The following PCDHGA2 variants were observed in gnomAD, a reference collection of about 807,000 sequenced individuals.
The protein encoded by PCDHGA2 is protocadherin gamma subfamily A, 2, also known as protocadherin gamma-A2.
PCDHGA2 carries 40 observed loss-of-function variants against 59.2 expected under a neutral mutation model. The ratio of observed to expected loss-of-function variants is 0.68; its 90% CI spans 0.52 to 0.88. The LOEUF (loss-of-function observed/expected upper bound fraction) is 0.88. PCDHGA2 is among the 40% of genes least tolerant of loss of function. The pLI is 0.00. For missense variants in PCDHGA2, 1,226 were observed against 1,204.0 expected (o/e 1.02, Z -0.27); for synonymous variants, 560 against 526.0 (o/e 1.06, Z -0.89).
intron 1 of PCDHGA2, chr5:141,366,089 C>A (rs1764317908): frequency 1.9e-6 from 3 of 1,614,268 alleles, no homozygotes; most frequent in Non-Finnish European, 2.5e-6. Flanking sequence ...ACCTGGCTAC[C>A]TGGTGACCAA....
intron 1 of PCDHGA2, chr5:141,350,419 G>A (rs746243687): frequency 2.4e-5 from 39 of 1,606,950 alleles, no homozygotes; most frequent in Non-Finnish European, 3.1e-5. Context: ...AGGATCTGGG[G>A]CTCAGTGTCC....
intron 1 of PCDHGA2, among the ~76,000 whole-genome samples, chr5:141,405,666 C>T (rs752033736): frequency 3.3e-5 from 5 of 152,198 alleles, no homozygotes; most frequent in Admixed American, 6.5e-5. Flanking sequence ...TTAGTAGAGA[C>T]GGGGTGTCAC....
At chr5:141,402,332 A>G (rs991402257) in intron 1 of PCDHGA2, among the ~76,000 whole-genome samples, 2 of 152,036 alleles carry the variant, frequency 1.3e-5, no homozygotes, top group African/African-American at 4.8e-5. Flanking sequence ...TTACAAATAT[A>G]TAGGTATAAA....
At chr5:141,355,605 A>G in intron 1 of PCDHGA2, 2 of 1,614,024 alleles carry the variant, frequency 1.2e-6, no homozygotes, top group Non-Finnish European at 1.7e-6. Context: ...GTTTTGGGAC[A>G]GAACAGAGGG....
At chr5:141,419,901 C>A (rs2096446114) in intron 1 of PCDHGA2, 5 of 1,614,108 alleles carry the variant, frequency 3.1e-6, no homozygotes, top group Non-Finnish European at 4.2e-6. Flanking sequence ...CATCCCACAC[C>A]CTCTGACTCC....
chr5:141,338,855 C>G lies in PCDHGA2; in HGVS notation c.-117C>G. 7.0e-7 allele frequency: 1 copy of G among 1,425,134 alleles called. No homozygotes were observed. The highest frequency in any genetic ancestry group is 1.6e-5 in the South Asian group (1 of 62,408). The allele number at this position is 1,425,134 out of a possible 1,614,324, so 88.3% of individuals were successfully genotyped here. A position where few individuals can be genotyped will look rare whatever the true frequency, so the allele number is the denominator to read the frequency against. ...AATTCAGTCGAACAGCCCACCAGTT[C>G]TCTCCATAGGGACCTGGGTCCCGTG... On this transcript the variant is annotated 5_prime_UTR_variant, in exon 1 of 4. Transcript: ENST00000394576.
chr5:141,506,847 T>C lies in PCDHGA2; in HGVS notation c.2572+1366T>C, dbSNP rs146737657. ...GAACTGATAGCCCTGCCCTCCAGCA[T>C]GTCTGGAGGACTGGTGGGTAGAGAA... On this transcript the variant is annotated intron_variant, in intron 3 of 3. Coordinates refer to ENST00000394576, the MANE Select transcript of PCDHGA2 (RefSeq NM_018915.4). 3.7e-3 allele frequency among the ~76,000 whole-genome samples: 564 copies of C among 152,318 alleles called. 5 individuals are homozygous for C. Among genetic ancestry groups the C allele is most frequent in the Admixed American group, 0.011 (164 of 15,302 alleles).
In PCDHGA2 at chr5:141,388,840, C is replaced by A. The variant is rs764876092; in HGVS notation, c.2424+47445C>A. The stretch of plus-strand genomic sequence containing the variant: ...AAAGAATATTCCATAGTTTTGGAAG[C>A]AAGGGACGGTGGAGGAATGATTGCG... On this transcript the variant is annotated intron_variant, in intron 1 of 3. Coordinates refer to ENST00000394576, the MANE Select transcript of PCDHGA2 (RefSeq NM_018915.4). 4 of 1,613,900 alleles carry A rather than the reference C, an allele frequency of 2.5e-6. No homozygotes were observed. The South Asian group carries it at 4.4e-5, about 18-fold the overall frequency.
intron 1 of PCDHGA2, chr5:141,344,735 T>G: frequency 1.2e-6 from 2 of 1,613,996 alleles, no homozygotes; most frequent in South Asian, 2.2e-5. Flanking sequence ...TAGTCCTGGA[T>G]GCAAATGACA....
At chr5:141,453,964 C>T (rs2098778500) in intron 1 of PCDHGA2, among the ~76,000 whole-genome samples, 1 of 152,296 alleles carries the variant, frequency 6.6e-6, no homozygotes, top group Non-Finnish European at 1.5e-5. Context: ...GACAGCAAAG[C>T]ATGTAGTTGT....
intron 1 of PCDHGA2, chr5:141,421,414 C>G: frequency 6.2e-7 from 1 of 1,614,066 alleles, no homozygotes; most frequent in Non-Finnish European, 8.5e-7. Flanking sequence ...GCTGGCGAAG[C>G]GCGGAGTCCG....
intron 1 of PCDHGA2, chr5:141,430,569 G>A (rs1252716330): frequency 4.5e-6 from 2 of 439,930 alleles, no homozygotes; most frequent in African/African-American, 4.1e-5. Flanking sequence ...GGAGAGAAAA[G>A]CGGAGATCCT....
chr5:141,345,752 T>A (rs768879399), intron 1 of PCDHGA2: 1 of 1,614,046 alleles, frequency 6.2e-7, no homozygotes, highest in African/African-American at 1.3e-5. Flanking sequence ...ACGGTTCCAC[T>A]GGCGTGGAGC....
chr5:141,501,508 C>A (rs1378333182), intron 2 of PCDHGA2, among the ~76,000 whole-genome samples: 1 of 151,960 alleles, frequency 6.6e-6, no homozygotes, highest in Non-Finnish European at 1.5e-5. Flanking sequence ...GGCTCCAAGG[C>A]CTCCAAGCTG....
intron 1 of PCDHGA2, among the ~76,000 whole-genome samples, chr5:141,387,085 C>T (rs1242993034): frequency 6.6e-6 from 1 of 152,168 alleles, no homozygotes; most frequent in African/African-American, 2.4e-5. Flanking sequence ...TGCCTGTGAT[C>T]ATCGAAATGA....
Position 141,431,432 on chromosome 5 carries a change from AC to A in PCDHGA2, c.2425-63373del. 2 of 1,613,692 alleles carry A rather than the reference AC, an allele frequency of 1.2e-6. No individual in the cohort carries two copies. Among genetic ancestry groups the A allele is most frequent in the Non-Finnish European group, 1.7e-6 (2 of 1,180,026 alleles). On this transcript the variant is annotated intron_variant, in intron 1 of 3. Transcript: ENST00000394576. The surrounding 1 kb of genome is among the most constrained non-coding windows in gnomAD (Gnocchi z 4.8). ...CGGGGGCGACCCGGTGCGCACAGGC[AC>A]CGCGCGCATCCGCGTGATGGTTCTG... is the stretch of plus-strand genomic sequence containing the variant.
At position 141,339,411 on chromosome 5, in the gene PCDHGA2, C is replaced by A. The variant is rs199543217; in HGVS notation, c.440C>A (p.Thr147Lys). 1 of 1,614,222 alleles carries A rather than the reference C, an allele frequency of 6.2e-7. No individual in the cohort carries two copies. Among genetic ancestry groups the A allele is most frequent in the East Asian group, 2.2e-5 (1 of 44,882 alleles). The change falls in exon 1 of 4, where the codon ACG becomes AAG. Residue 147 changes from threonine to lysine, a missense_variant. Physicochemically the swap from Thr to Lys is moderately conservative, Grantham distance 78 (BLOSUM62 -1). Coordinates refer to ENST00000394576, the MANE Select transcript of PCDHGA2 (RefSeq NM_018915.4). Reference protein sequence around the residue: ...ELELKISETTTPGFRIPLKNA... With the variant: ...ELELKISETTKPGFRIPLKNA... ...GAGCTAAAAATCAGTGAAACCACTA[C>A]GCCAGGATTCCGGATTCCTCTTAAG... is the stretch of plus-strand genomic sequence containing the variant.
chr5:141,382,128 C>T (rs1777984217), intron 1 of PCDHGA2, among the ~76,000 whole-genome samples: 3 of 152,026 alleles, frequency 2.0e-5, no homozygotes. Context: ...GCACCTGGCC[C>T]CCCCTCTCAT....
At chr5:141,502,724 C>T (rs1288841230) in intron 2 of PCDHGA2, among the ~76,000 whole-genome samples, 2 of 152,134 alleles carry the variant, frequency 1.3e-5, no homozygotes, top group African/African-American at 4.8e-5. Context: ...GATTACAAAG[C>T]GGTGATGTTC....
Sources: gnomAD v4.1 joint callset for allele counts (sites outside exome capture counted in the v4.1 genomes callset) on GRCh38, gnomAD v4.1.1 for gene constraint, Gnocchi (gnomAD v3.1) non-coding constraint, MANE v1.5 for transcripts, NCBI Gene and HGNC (gene_info 2026-07-23, HGNC 2026-07-21) for gene names.